RCAN2: variants seen among roughly 807,000 people sequenced by gnomAD.
RCAN2 encodes the protein calcipressin-2.
In RCAN2, 9 loss-of-function variants were observed where a neutral mutation model predicts 23.6. That is an observed-to-expected ratio of 0.38 (90% confidence interval 0.23 to 0.67). The LOEUF is 0.67. RCAN2 is among the 30% of genes least tolerant of loss of function. RCAN2 has a pLI of 0.51. For missense variants in RCAN2, 273 were observed against 302.3 expected, an observed-to-expected ratio of 0.90 and a Z score of 0.72; for synonymous variants, 109 against 115.7, an observed-to-expected ratio of 0.94 and a Z score of 0.37.
Position 46,292,444 on chromosome 6 carries a change from T to TG in RCAN2, c.226-43549_226-43548insC, listed in dbSNP as rs1561845763. On this transcript the variant is annotated intron_variant, in intron 2 of 4. Coordinates refer to ENST00000371374, the MANE Select transcript of RCAN2 (RefSeq NM_001251974.2). ...ATTTGTTGTTTTTTTTTTTGTTTTT[T>TG]TTTTTGGTGGGGGGGTTGCCCTAAA... 4.0e-5 allele frequency among the ~76,000 whole-genome samples: 6 copies of TG among 150,548 alleles called. No individual in the cohort carries two copies. In the East Asian group the frequency reaches 5.8e-4, roughly 15 times the overall value.
chr6:46,426,435 C>A (rs1486130871), intron 2 of RCAN2, among the ~76,000 whole-genome samples: 1 of 152,084 alleles, frequency 6.6e-6, no homozygotes, highest in Non-Finnish European at 1.5e-5. Context: ...TAATTCTTTT[C>A]ATCATCAAGC....
At position 46,246,864 on chromosome 6, in the gene RCAN2, G is replaced by A; in HGVS notation, c.455C>T (p.Ala152Val). ...AGGGGGCGAGATGAGAAACTGTTTG[G>A]CAGGCTGGGGTGGAGCCAAGTGCAG... Reference protein sequence around the residue: ...DKLHLAPPQPAKQFLISPPSS... With the variant: ...DKLHLAPPQPVKQFLISPPSS... The change falls in exon 4 of 5, where the codon GCC (alanine) becomes GTC (valine). Residue 152 changes from alanine (A) to valine (V), a missense_variant. Coordinates refer to ENST00000371374, the MANE Select transcript of RCAN2 (RefSeq NM_001251974.2). 1 of 1,610,532 alleles carries A rather than the reference G, an allele frequency of 6.2e-7. No homozygotes were observed. Among genetic ancestry groups the A allele is most frequent in the Non-Finnish European group, 8.5e-7 (1 of 1,178,094 alleles).
At chr6:46,448,700 CAA>C (rs1451777272) in intron 2 of RCAN2, among the ~76,000 whole-genome samples, 2 of 151,754 alleles carry the variant, frequency 1.3e-5, no homozygotes, top group Non-Finnish European at 3.0e-5. Flanking sequence ...ATGTGATACA[CAA>C]CATTAACAGA....
At chr6:46,455,445 C>T (rs569401156) in intron 2 of RCAN2, among the ~76,000 whole-genome samples, 7 of 152,124 alleles carry the variant, frequency 4.6e-5, no homozygotes, top group Admixed American at 1.3e-4. Context: ...ATCAGACTTC[C>T]AGTAATTATG....
At chr6:46,487,665 G>C (rs1769032907) in intron 1 of RCAN2, among the ~76,000 whole-genome samples, 2 of 152,196 alleles carry the variant, frequency 1.3e-5, no homozygotes, top group African/African-American at 4.8e-5. Context: ...AAAGAAACTG[G>C]TAAGTGACCA....
chr6:46,336,265 T>A (rs4714923), intron 2 of RCAN2, among the ~76,000 whole-genome samples: 64,412 of 152,080 alleles, frequency 0.42, 15,050 homozygotes, highest in East Asian at 0.6. Flanking sequence ...GCACTGCTGG[T>A]GACATTGTAG....
intron 2 of RCAN2, among the ~76,000 whole-genome samples, chr6:46,251,448 T>A (rs919899409): frequency 6.6e-6 from 1 of 152,176 alleles, no homozygotes; most frequent in South Asian, 2.1e-4. Context: ...GAGTATAATA[T>A]TTTTTTAAGG....
At chr6:46,327,063 C>A (rs1763817405) in intron 2 of RCAN2, among the ~76,000 whole-genome samples, 1 of 152,200 alleles carries the variant, frequency 6.6e-6, no homozygotes, top group Admixed American at 6.5e-5. Flanking sequence ...CAAGTAATGA[C>A]TATGCAAAGC....
At chr6:46,361,877 GA>G (rs1765025496) in intron 2 of RCAN2, among the ~76,000 whole-genome samples, 1 of 152,106 alleles carries the variant, frequency 6.6e-6, no homozygotes, top group South Asian at 2.1e-4. Context: ...TCTTTAGCTG[GA>G]TAAAATCCTG....
chr6:46,240,507 G>A (rs1274062321), intron 4 of RCAN2, among the ~76,000 whole-genome samples: 1 of 152,030 alleles, frequency 6.6e-6, no homozygotes, highest in African/African-American at 2.4e-5. Context: ...TTGAACATGT[G>A]CTCCAGGATC....
intron 3 of RCAN2, among the ~76,000 whole-genome samples, chr6:46,248,090 C>A (rs1234217862): frequency 2.0e-5 from 3 of 152,096 alleles, no homozygotes; most frequent in African/African-American, 7.2e-5. Context: ...ATCAAGGTAT[C>A]TAGTGATGAG....
intron 1 of RCAN2, among the ~76,000 whole-genome samples, chr6:46,471,302 A>T (rs1182236799): frequency 6.6e-6 from 1 of 152,232 alleles, no homozygotes; most frequent in Admixed American, 6.5e-5. Flanking sequence ...CAATGGAACA[A>T]GGCCAGAAGT....
intron 1 of RCAN2, among the ~76,000 whole-genome samples, chr6:46,470,699 T>C (rs1242565820): frequency 1.3e-5 from 2 of 152,240 alleles, no homozygotes; most frequent in Non-Finnish European, 2.9e-5. Context: ...TTCTTCCAAA[T>C]AGAACTATTG....
chr6:46,351,493 C>T (rs989657476), intron 2 of RCAN2, among the ~76,000 whole-genome samples: 12 of 152,086 alleles, frequency 7.9e-5, no homozygotes, highest in African/African-American at 2.9e-4. Context: ...TGAAGGAAGC[C>T]ATGTCCTTGA....
intron 2 of RCAN2, among the ~76,000 whole-genome samples, chr6:46,392,258 A>T (rs1414616348): frequency 6.6e-6 from 1 of 152,204 alleles, no homozygotes; most frequent in African/African-American, 2.4e-5. Context: ...AAGTTCTATC[A>T]TAGGGGCAGC....
chr6:46,485,936 T>G (rs1218887323), intron 1 of RCAN2, among the ~76,000 whole-genome samples: 1 of 152,242 alleles, frequency 6.6e-6, no homozygotes, highest in Non-Finnish European at 1.5e-5. Flanking sequence ...TACAACATTC[T>G]TAATGCATTA....
At chr6:46,344,490 T>C (rs1764424247) in intron 2 of RCAN2, among the ~76,000 whole-genome samples, 1 of 126,156 alleles carries the variant, frequency 7.9e-6, no homozygotes, top group South Asian at 2.6e-4. Flanking sequence ...CTATTGATTA[T>C]TAAAAGCAAA....
intron 2 of RCAN2, among the ~76,000 whole-genome samples, chr6:46,386,076 A>G (rs569279835): frequency 1.1e-4 from 16 of 152,272 alleles, no homozygotes; most frequent in South Asian, 2.1e-4. Flanking sequence ...TCATCAGTCG[A>G]GCAGGCAACC....
chr6:46,307,513 C>T (rs1763110082), intron 2 of RCAN2, among the ~76,000 whole-genome samples: 1 of 151,946 alleles, frequency 6.6e-6, no homozygotes, highest in Non-Finnish European at 1.5e-5. Flanking sequence ...TGCCTACATC[C>T]AAAAGGTGAT....
Sources: gnomAD v4.1 joint callset for allele counts (sites outside exome capture counted in the v4.1 genomes callset) on GRCh38, gnomAD v4.1.1 for gene constraint, MANE v1.5 for transcripts, NCBI Gene and HGNC (gene_info 2026-07-23, HGNC 2026-07-21) for gene names.